DDX1: variants seen among roughly 807,000 people sequenced by gnomAD.
The protein encoded by DDX1 is ATP-dependent RNA helicase DDX1.
Under a neutral mutation model 108.7 loss-of-function variants are expected in DDX1, and 28 were observed. That is an observed-to-expected ratio of 0.26 (90% CI 0.19 to 0.35). DDX1 has a LOEUF of 0.35. DDX1 is among the 10% of genes least tolerant of loss of function. The pLI, the probability that DDX1 is intolerant of heterozygous loss-of-function variation, is 1.00. For missense variants in DDX1, 710 were observed against 884.5 expected (o/e 0.80, Z 2.50); for synonymous variants, 295 against 288.9 (o/e 1.02, Z -0.21).
chr2:15,600,841 C>T (rs1326046582), intron 6 of DDX1, among the ~76,000 whole-genome samples: 3 of 142,822 alleles, frequency 2.1e-5, no homozygotes, highest in Non-Finnish European at 3.0e-5. Context: ...CTCCACCTCA[C>T]GGGTTCTTAT....
intron 14 of DDX1, among the ~76,000 whole-genome samples, chr2:15,613,687 T>TA (rs1665841139): frequency 6.6e-6 from 1 of 152,106 alleles, no homozygotes. Context: ...TGAATAATGA[T>TA]AAGACAGTGG....
chr2:15,596,696 A>G, intron 3 of DDX1, 38 bp from the exon 4 acceptor site: 1 of 1,595,720 alleles, frequency 6.3e-7, no homozygotes, highest in Non-Finnish European at 8.6e-7. Context: ...TTAATAGACA[A>G]CTTAATCTGT....
At chr2:15,613,483 A>G (rs1031324507) in intron 14 of DDX1, among the ~76,000 whole-genome samples, 199 bp downstream of exon 14, 1 of 152,210 alleles carries the variant, frequency 6.6e-6, no homozygotes, top group Non-Finnish European at 1.5e-5. Flanking sequence ...CCTCTCAAGC[A>G]AAATTCCAGC....
chr2:15,616,062 TTGTGTG>T (rs58811920), intron 14 of DDX1, among the ~76,000 whole-genome samples: 12 of 148,880 alleles, frequency 8.1e-5, no homozygotes, highest in East Asian at 2.0e-4. Flanking sequence ...CCGGCTAATT[TTGTGTG>T]TGTGTGTGTG....
At chr2:15,626,865 T>G (rs925901408) in intron 19 of DDX1, among the ~76,000 whole-genome samples, 189 bp from the exon 20 acceptor site, 2 of 152,148 alleles carry the variant, frequency 1.3e-5, no homozygotes, top group African/African-American at 4.8e-5. Flanking sequence ...ACTTTAATGC[T>G]CCGTAGAGTT....
chr2:15,593,899 A>T (rs1279285094), intron 1 of DDX1, among the ~76,000 whole-genome samples: 1 of 151,940 alleles, frequency 6.6e-6, no homozygotes. Flanking sequence ...ACACAGTGAA[A>T]CCCCGTCTCT....
intron 9 of DDX1, among the ~76,000 whole-genome samples, 190 bp downstream of exon 9, chr2:15,604,080 T>C (rs557977571): frequency 2.6e-5 from 4 of 152,376 alleles, no homozygotes; most frequent in Admixed American, 2.0e-4. Context: ...GTAGTAGTTA[T>C]AATTTTTCTT....
intron 21 of DDX1, 51 bp downstream of exon 21, chr2:15,628,568 T>TA: frequency 1.3e-6 from 2 of 1,595,968 alleles, no homozygotes; most frequent in East Asian, 4.5e-5. Context: ...GAATCTAAAG[T>TA]AAAGCCTTCT....
chr2:15,593,207 C>A (rs1484365918), intron 1 of DDX1, among the ~76,000 whole-genome samples: 1 of 152,204 alleles, frequency 6.6e-6, no homozygotes, highest in African/African-American at 2.4e-5. Flanking sequence ...TGTAAGATTT[C>A]TGACTGTTTC....
chr2:15,620,315 A>G lies in DDX1; in HGVS notation c.1314A>G (p.Pro438=). The change falls in exon 17 of 26, where the codon CCA becomes CCG. Residue 438 remains proline, a synonymous_variant. Coordinates refer to ENST00000233084, the MANE Select transcript of DDX1 (RefSeq NM_004939.3). The stretch of plus-strand genomic sequence containing the variant: ...ACTTAAAAGGAGAAGACTCTGTTCC[A>G]GATACTGTACACCATGTTGTTGTCC... ...WVDLKGEDSV[P]DTVHHVVVPV... 6.2e-7 allele frequency: 1 copy of G among 1,614,086 alleles called. No homozygotes were observed. The highest frequency in any genetic ancestry group is 2.2e-5 in the East Asian group (1 of 44,864).
chr2:15,616,275 G>A (rs1472892430), intron 14 of DDX1, among the ~76,000 whole-genome samples: 3 of 152,154 alleles, frequency 2.0e-5, no homozygotes, highest in African/African-American at 7.2e-5. Context: ...GTCAGGCACT[G>A]TACTAAAAAC....
At chr2:15,605,528 T>G (rs1665648245) in intron 10 of DDX1, among the ~76,000 whole-genome samples, 1 of 151,754 alleles carries the variant, frequency 6.6e-6, no homozygotes, top group African/African-American at 2.4e-5. Context: ...GGGGTGAGGG[T>G]GGGGAGCCTC....
chr2:15,598,937 T>G (rs1044614739), intron 5 of DDX1, among the ~76,000 whole-genome samples: 3 of 152,136 alleles, frequency 2.0e-5, no homozygotes, highest in Non-Finnish European at 4.4e-5. Flanking sequence ...GGACTTGCTT[T>G]TTTTTTGATA....
intron 15 of DDX1, among the ~76,000 whole-genome samples, 188 bp from the exon 16 acceptor site, chr2:15,617,993 C>T (rs907860222): frequency 6.6e-6 from 1 of 152,068 alleles, no homozygotes; most frequent in Non-Finnish European, 1.5e-5. Context: ...TCACAAGAAA[C>T]TTAAAATTGA....
chr2:15,598,892 T>G (rs1665542846), intron 5 of DDX1, among the ~76,000 whole-genome samples: 1 of 152,136 alleles, frequency 6.6e-6, no homozygotes, highest in Admixed American at 6.5e-5. Context: ...GAAAAAAATG[T>G]GTGACTTTTG....
chr2:15,593,570 T>C (rs1480202555), intron 1 of DDX1, among the ~76,000 whole-genome samples: 5 of 152,204 alleles, frequency 3.3e-5, no homozygotes, highest in African/African-American at 4.8e-5. Context: ...GAAAATGATA[T>C]GTTGTTTCTT....
In DDX1 at chr2:15,623,573, C is replaced by A. The variant is rs774440382; in HGVS notation, c.1585C>A (p.Gln529Lys). Reference sequence around the variant, plus strand: ...TAACTTGGAGCAGTACTTTATACAACAAGGAGGAGGTAATTTTTTCTCACT... The same window carrying A: ...TAACTTGGAGCAGTACTTTATACAAAAAGGAGGAGGTAATTTTTTCTCACT... ...CDNLEQYFIQ[Q>K]GGGPDKKGHQ... Residue 529 changes from glutamine (Q) to lysine (K), a missense_variant, in exon 19 of 26, where the codon CAA becomes AAA. By Grantham distance (53) the Gln-to-Lys change is moderately conservative. Around this residue, in one of 3 missense-constraint regions of DDX1, gnomAD observed 661 missense variants for 810.2 expected, o/e 0.82. Transcript: ENST00000233084. 2 of 1,612,834 alleles carry A rather than the reference C, an allele frequency of 1.2e-6. No homozygotes were observed. The highest frequency in any genetic ancestry group is 2.2e-5 in the South Asian group (2 of 90,988).
intron 13 of DDX1, among the ~76,000 whole-genome samples, chr2:15,611,974 C>G (rs1296197305): frequency 7.7e-6 from 1 of 129,764 alleles, no homozygotes; most frequent in African/African-American, 3.5e-5. Context: ...CTGACCCCAC[C>G]ACCTCCCTCC....
chr2:15,618,130 T>G (rs759843122), intron 15 of DDX1, 51 bp from the exon 16 acceptor site: 126 of 1,152,820 alleles, frequency 1.1e-4, no homozygotes, highest in Non-Finnish European at 1.5e-4. Context: ...AAAACTTACG[T>G]TTTTTTCCAT....
Sources: allele counts gnomAD v4.1 joint callset (sites outside exome capture counted in the v4.1 genomes callset), GRCh38; gene constraint gnomAD v4.1.1; regional missense constraint gnomAD v4.1.1; transcripts MANE v1.5; gene names NCBI Gene and HGNC (gene_info 2026-07-23, HGNC 2026-07-21).